SUGCT: variants seen among roughly 807,000 people sequenced by gnomAD.
SUGCT encodes succinyl-CoA:glutarate-CoA transferase, also known as succinyl-CoA:glutarate CoA-transferase.
In SUGCT, 41 loss-of-function variants were observed where a neutral mutation model predicts 55.0. That is an observed-to-expected ratio of 0.74 (90% CI 0.58 to 0.97). SUGCT has a LOEUF of 0.97. Ranked by LOEUF, SUGCT falls within the 50% of genes least tolerant of loss-of-function variation. The probability of loss-of-function intolerance (pLI) is 0.00; values close to 1 mark genes in which losing one functional copy is unlikely to be tolerated. For synonymous variants in SUGCT, 187 were observed against 200.4 expected (o/e 0.93, Z 0.56); for missense variants, 568 against 547.8 (o/e 1.04, Z -0.37).
chr7:40,730,785 A>G (rs1019668604), intron 12 of SUGCT, among the ~76,000 whole-genome samples: 1 of 152,162 alleles, frequency 6.6e-6, no homozygotes, highest in Admixed American at 6.5e-5. Flanking sequence ...TAATCATGTG[A>G]TACTTGTCTT....
At position 40,687,190 on chromosome 7, in the gene SUGCT, T is replaced by C. The variant is rs1784504054; in HGVS notation, c.1090-62244T>C. On this transcript the variant is annotated intron_variant, in intron 12 of 13. Coordinates refer to ENST00000335693, the MANE Select transcript of SUGCT (RefSeq NM_001193313.2). Reference sequence around the variant, plus strand: ...TGTTCTTGAAAAAAAAATTCTCTACTGTCATTTTGGTGGAGAATTATGAGG... The same window carrying C: ...TGTTCTTGAAAAAAAAATTCTCTACCGTCATTTTGGTGGAGAATTATGAGG... Among the ~76,000 whole-genome samples the C allele has an allele frequency of 2.6e-5, 4 of 152,284 alleles. No individual in the cohort carries two copies. In the South Asian group the frequency reaches 8.3e-4, roughly 32 times the overall value.
At chr7:40,736,352 G>A (rs1295658350) in intron 12 of SUGCT, among the ~76,000 whole-genome samples, 1 of 148,038 alleles carries the variant, frequency 6.8e-6, no homozygotes, top group Admixed American at 6.8e-5. Context: ...ATATATAAAT[G>A]TATATATAAC....
At chr7:40,723,468 T>A (rs956770969) in intron 12 of SUGCT, among the ~76,000 whole-genome samples, 1 of 152,252 alleles carries the variant, frequency 6.6e-6, no homozygotes, top group East Asian at 1.9e-4. Flanking sequence ...TCCAGAAATA[T>A]ACAAAATGCA....
At chr7:40,175,435 G>GTT (rs1488237865) in intron 1 of SUGCT, among the ~76,000 whole-genome samples, 6 of 152,160 alleles carry the variant, frequency 3.9e-5, no homozygotes, top group Non-Finnish European at 1.5e-5. Flanking sequence ...GGCCAGGCTG[G>GTT]TCTCTGACTC....
chr7:40,555,334 G>A (rs146755580), intron 12 of SUGCT, among the ~76,000 whole-genome samples: 1 of 151,428 alleles, frequency 6.6e-6, no homozygotes, highest in Non-Finnish European at 1.5e-5. Context: ...TAGGCCTCAT[G>A]GAATTCTGAG....
chr7:40,885,304 G>A, the SUGCT span, among the ~76,000 whole-genome samples: 4 of 152,088 alleles, frequency 2.6e-5, no homozygotes, highest in East Asian at 1.9e-4. Flanking sequence ...TGGCCTCACC[G>A]CTCTACTGCC....
At chr7:40,688,300 G>C (rs1451212660) in intron 12 of SUGCT, among the ~76,000 whole-genome samples, 4 of 152,096 alleles carry the variant, frequency 2.6e-5, no homozygotes, top group African/African-American at 9.7e-5. Flanking sequence ...GGGTGTCTCT[G>C]TTACCAGAAA....
chr7:40,431,153 G>C (rs1426135623), intron 9 of SUGCT, among the ~76,000 whole-genome samples: 1 of 151,414 alleles, frequency 6.6e-6, no homozygotes, highest in Non-Finnish European at 1.5e-5. Flanking sequence ...AATGGCCTGT[G>C]GATACTGAAT....
chr7:40,337,649 T>C (rs936479206), intron 9 of SUGCT, among the ~76,000 whole-genome samples: 1 of 152,190 alleles, frequency 6.6e-6, no homozygotes, highest in African/African-American at 2.4e-5. Context: ...TGTCTCTGCA[T>C]GTGAGATGGG....
chr7:40,261,552 C>A (rs1791224565), intron 7 of SUGCT, among the ~76,000 whole-genome samples: 1 of 152,172 alleles, frequency 6.6e-6, no homozygotes, highest in South Asian at 2.1e-4. Context: ...GCTCCTTTCT[C>A]CATTGTAGTG....
chr7:40,541,517 A>G (rs1283403729), intron 12 of SUGCT, among the ~76,000 whole-genome samples: 2 of 152,204 alleles, frequency 1.3e-5, no homozygotes, highest in African/African-American at 4.8e-5. Flanking sequence ...GTGGGCAGTA[A>G]GCATTATGCA....
At chr7:40,307,815 A>AT (rs58458881) in intron 8 of SUGCT, among the ~76,000 whole-genome samples, 86,885 of 151,802 alleles carry the variant, frequency 0.57, 25,909 homozygotes, top group Non-Finnish European at 0.67. Context: ...TTCTGAAAAA[A>AT]CTGTTCACCT....
At chr7:41,012,171 C>T in the SUGCT span, among the ~76,000 whole-genome samples, 1 of 152,258 alleles carries the variant, frequency 6.6e-6, no homozygotes, top group South Asian at 2.1e-4. Flanking sequence ...CCTGTAGACC[C>T]TCCCTCATTA....
chr7:40,279,357 G>C (rs981008109), intron 8 of SUGCT, among the ~76,000 whole-genome samples: 9 of 152,048 alleles, frequency 5.9e-5, no homozygotes, highest in Non-Finnish European at 1.2e-4. Context: ...CTAGCGATGG[G>C]GTTAACTCCA....
intron 12 of SUGCT, among the ~76,000 whole-genome samples, chr7:40,649,868 T>C (rs2151837435): frequency 1.3e-5 from 2 of 152,372 alleles, no homozygotes; most frequent in East Asian, 3.9e-4. Flanking sequence ...ACCTGTAATA[T>C]ATTGGTTATT....
intron 13 of SUGCT, among the ~76,000 whole-genome samples, chr7:40,858,883 A>G (rs568723216): frequency 6.6e-6 from 1 of 152,344 alleles, no homozygotes; most frequent in South Asian, 2.1e-4. Flanking sequence ...GTGTTACACA[A>G]AGGTGCAGCT....
intron 12 of SUGCT, among the ~76,000 whole-genome samples, chr7:40,731,006 G>A (rs1329563031): frequency 6.6e-6 from 1 of 152,142 alleles, no homozygotes; most frequent in African/African-American, 2.4e-5. Context: ...AATTTAACTT[G>A]ACTGAAGGAC....
intron 12 of SUGCT, among the ~76,000 whole-genome samples, chr7:40,720,604 C>G (rs1193463066): frequency 6.6e-6 from 1 of 152,118 alleles, no homozygotes; most frequent in African/African-American, 2.4e-5. Context: ...CAGACTCTTT[C>G]CAGCTGAAAC....
At chr7:40,580,828 AC>A (rs1218850155) in intron 12 of SUGCT, among the ~76,000 whole-genome samples, 1 of 152,246 alleles carries the variant, frequency 6.6e-6, no homozygotes, top group Non-Finnish European at 1.5e-5. Flanking sequence ...CGTATTCAGT[AC>A]AGTGACATGT....
Sources: gnomAD v4.1 joint callset for allele counts (sites outside exome capture counted in the v4.1 genomes callset) on GRCh38, gnomAD v4.1.1 for gene constraint, MANE v1.5 for transcripts, NCBI Gene and HGNC (gene_info 2026-07-23, HGNC 2026-07-21) for gene names.